Variants in NOL4 observed in about 807,000 individuals in gnomAD.
NOL4 encodes nucleolar protein 4.
Under a neutral mutation model 75.9 loss-of-function variants are expected in NOL4, and 17 were observed. The observed-to-expected ratio is 0.22, with a 90% CI of 0.15 to 0.34. The LOEUF is 0.34. NOL4 is among the 10% of genes least tolerant of loss of function. The pLI is 1.00. For synonymous variants in NOL4, 292 were observed against 289.9 expected, an observed-to-expected ratio of 1.01 and a Z score of -0.07; for missense variants, 614 against 793.5, an observed-to-expected ratio of 0.77 and a Z score of 2.72.
Position 34,133,272 on chromosome 18 carries a change from C to CA in NOL4, c.265-3253dup, listed in dbSNP as rs1230503382. 9.5e-3 allele frequency among the ~76,000 whole-genome samples: 549 copies of CA among 57,634 alleles called. 11 individuals carry two copies. The highest frequency in any genetic ancestry group is 0.042 in the Admixed American group (212 of 5,032). The allele number at this position is 57,634 out of a possible 152,430, so 37.8% of individuals were successfully genotyped here. A position where few individuals can be genotyped will look rare whatever the true frequency, so the allele number is the denominator to read the frequency against. ...GGGCAACAAGAGCAAAACTCCGTCT[C>CA]AAAAAAAAAAAAAAAAAAAGTGAAA... On this transcript the variant is annotated intron_variant, in intron 1 of 10. Coordinates refer to ENST00000261592, the MANE Select transcript of NOL4 (RefSeq NM_003787.5).
chr18:34,134,523 G>T (rs1398517658), intron 1 of NOL4, among the ~76,000 whole-genome samples: 1 of 140,338 alleles, frequency 7.1e-6, no homozygotes, highest in Non-Finnish European at 1.6e-5. Flanking sequence ...AGAATTAAAG[G>T]GAGAAATAGA....
chr18:33,852,926 C>A lies in NOL4; in HGVS notation c.1833G>T (p.Gln611His). The part of the protein sequence containing the change: ...LSPTEINAVR[Q>H]LVAGYRESAA... Reference sequence around the variant, plus strand: ...CTGATTCTCGATATCCTGCAACAAGCTGTCTCACGGCATTGATTTCAGTTG... The same window carrying A: ...CTGATTCTCGATATCCTGCAACAAGATGTCTCACGGCATTGATTTCAGTTG... Residue 611 changes from glutamine (Q) to histidine (H), a missense_variant, in exon 11 of 11, where the codon CAG (glutamine) becomes CAT (histidine). By Grantham distance (24) the Gln-to-His change is conservative. Coordinates refer to ENST00000261592, the MANE Select transcript of NOL4 (RefSeq NM_003787.5). 1 of 1,613,246 alleles carries A rather than the reference C, an allele frequency of 6.2e-7. No individual in the cohort carries two copies. The highest frequency in any genetic ancestry group is 8.5e-7 in the Non-Finnish European group (1 of 1,179,520).
intron 6 of NOL4, among the ~76,000 whole-genome samples, chr18:33,977,638 A>G (rs185288902): frequency 6.6e-5 from 10 of 152,268 alleles, no homozygotes; most frequent in African/African-American, 1.2e-4. Flanking sequence ...ATGCCTACCC[A>G]TCCATACCTA....
chr18:34,112,660 T>C (rs889851411), intron 2 of NOL4, among the ~76,000 whole-genome samples: 3 of 151,974 alleles, frequency 2.0e-5, no homozygotes, highest in Admixed American at 6.6e-5. Context: ...GTCAAACTCA[T>C]AGAAGCTGAG....
chr18:34,195,407 G>C (rs1449926652), intron 1 of NOL4, among the ~76,000 whole-genome samples: 2 of 151,942 alleles, frequency 1.3e-5, no homozygotes, highest in Non-Finnish European at 2.9e-5. Flanking sequence ...AATAATCTAA[G>C]GATGACTCTC....
intron 6 of NOL4, among the ~76,000 whole-genome samples, chr18:33,962,653 CATT>C (rs1309207346): frequency 4.6e-5 from 7 of 152,082 alleles, no homozygotes; most frequent in African/African-American, 1.7e-4. Flanking sequence ...CAGTTCACAT[CATT>C]AACAAGGTGG....
intron 1 of NOL4, among the ~76,000 whole-genome samples, chr18:34,170,015 C>T (rs1383276301): frequency 6.6e-6 from 1 of 152,072 alleles, no homozygotes; most frequent in Non-Finnish European, 1.5e-5. Context: ...TTCTACAGAT[C>T]CTTTTTGGAA....
intron 6 of NOL4, among the ~76,000 whole-genome samples, chr18:34,013,102 G>C (rs1212796095): frequency 2.6e-5 from 4 of 151,718 alleles, no homozygotes; most frequent in African/African-American, 9.7e-5. Flanking sequence ...TTCTTACATT[G>C]GGTTGCTTTG....
intron 10 of NOL4, among the ~76,000 whole-genome samples, chr18:33,862,971 C>T (rs548586948): frequency 9.2e-5 from 14 of 152,256 alleles, no homozygotes; most frequent in African/African-American, 1.7e-4. Context: ...CACATGCACA[C>T]GTATGTTTAT....
intron 10 of NOL4, among the ~76,000 whole-genome samples, chr18:33,867,564 G>C (rs530646231): frequency 2.6e-4 from 40 of 151,776 alleles, no homozygotes; most frequent in African/African-American, 9.2e-4. Context: ...GGAGGTTTTC[G>C]TCTTATCACG....
chr18:34,069,047 T>C (rs907808872), intron 5 of NOL4, among the ~76,000 whole-genome samples: 3 of 151,794 alleles, frequency 2.0e-5, no homozygotes, highest in African/African-American at 4.8e-5. Flanking sequence ...TAAAGCAAAA[T>C]AAAAAGAATA....
intron 2 of NOL4, among the ~76,000 whole-genome samples, chr18:34,115,475 T>G (rs1035413222): frequency 6.7e-6 from 1 of 150,374 alleles, no homozygotes; most frequent in Admixed American, 6.6e-5. Flanking sequence ...ATTTTTAAAT[T>G]TTTGCCCACC....
At chr18:34,008,657 C>A (rs1305107945) in intron 6 of NOL4, among the ~76,000 whole-genome samples, 5 of 151,902 alleles carry the variant, frequency 3.3e-5, no homozygotes. Context: ...CCTTTACCAG[C>A]CCGCCATGAT....
intron 10 of NOL4, among the ~76,000 whole-genome samples, chr18:33,855,768 TATAA>T (rs2062809794): frequency 6.6e-6 from 1 of 152,124 alleles, no homozygotes; most frequent in African/African-American, 2.4e-5. Flanking sequence ...ATATTTAAGT[TATAA>T]ATAAATTTCA....
Position 33,947,740 on chromosome 18 carries a change from A to G in NOL4, c.1429-4562T>C, listed in dbSNP as rs184363015. ...TTAATTATCTCTTCATAATTAACTG[A>G]CATTCTAACTGGGATCTGAGTTGAT... On this transcript the variant is annotated intron_variant, in intron 8 of 10. Transcript: ENST00000261592. Among the ~76,000 whole-genome samples the G allele has an allele frequency of 2.2e-3, 336 of 151,986 alleles. 1 individual carries two copies. The highest frequency in any genetic ancestry group is 0.014 in the Middle Eastern group (4 of 294).
chr18:34,021,565 T>C (rs2075039152), intron 5 of NOL4, among the ~76,000 whole-genome samples: 1 of 152,120 alleles, frequency 6.6e-6, no homozygotes, highest in African/African-American at 2.4e-5. Context: ...GGAAGTGACA[T>C]GGAAAAAGTT....
chr18:34,222,904 C>T, intron 1 of NOL4, 86 bp downstream of exon 1: 2 of 1,531,212 alleles, frequency 1.3e-6, no homozygotes, highest in South Asian at 2.5e-5. Context: ...CGGCTCACGG[C>T]TCCCCCTCTC....
intron 10 of NOL4, among the ~76,000 whole-genome samples, chr18:33,881,697 C>T (rs62097770): frequency 8.6e-5 from 13 of 152,036 alleles, no homozygotes; most frequent in Non-Finnish European, 1.8e-4. Context: ...AGAATTGGAA[C>T]AAACTACTTT....
At chr18:33,991,268 T>C (rs2072897351) in intron 6 of NOL4, among the ~76,000 whole-genome samples, 1 of 152,062 alleles carries the variant, frequency 6.6e-6, no homozygotes, top group Non-Finnish European at 1.5e-5. Flanking sequence ...TTACCTATTA[T>C]ATTGCTCAAC....
Sources: allele counts gnomAD v4.1 joint callset (sites outside exome capture counted in the v4.1 genomes callset), GRCh38; gene constraint gnomAD v4.1.1; transcripts MANE v1.5; gene names NCBI Gene and HGNC (gene_info 2026-07-23, HGNC 2026-07-21).